Variants in DPY19L3 observed in about 807,000 individuals in gnomAD.
The protein encoded by DPY19L3 is dpy-19 like C-mannosyltransferase 3, also known as protein C-mannosyl-transferase DPY19L3.
A neutral mutation model predicts 92.3 loss-of-function variants in DPY19L3; 51 were observed. That is an observed-to-expected ratio of 0.55 (90% CI 0.44 to 0.70). The LOEUF is 0.70. DPY19L3 is among the 30% of genes least tolerant of loss of function. The pLI, the probability that DPY19L3 is intolerant of heterozygous loss-of-function variation, is 0.00. For missense variants in DPY19L3, 706 were observed against 855.9 expected (o/e 0.82, Z 2.18); for synonymous variants, 309 against 315.2 (o/e 0.98, Z 0.21).
intron 10 of DPY19L3, 49 bp downstream of exon 10, chr19:32,455,089 G>A (rs1969825131): frequency 3.4e-6 from 4 of 1,177,980 alleles, no homozygotes; most frequent in Non-Finnish European, 4.8e-6. Context: ...TTAACTTATG[G>A]CATTGGAGAT....
intron 17 of DPY19L3, 81 bp downstream of exon 17, chr19:32,477,735 T>C (rs1599680599): frequency 6.4e-7 from 1 of 1,562,396 alleles, no homozygotes; most frequent in African/African-American, 1.4e-5. Context: ...AAGATGGGGC[T>C]GAATGCTGCA....
intron 16 of DPY19L3, among the ~76,000 whole-genome samples, chr19:32,477,120 G>A (rs1328810032): frequency 6.6e-6 from 1 of 152,108 alleles, no homozygotes; most frequent in Non-Finnish European, 1.5e-5. Context: ...TAGCAGGAGA[G>A]GATTGTGGGT....
intron 3 of DPY19L3, among the ~76,000 whole-genome samples, chr19:32,424,557 GAAGCCAAGTCTTCAGT>G (rs1326450126): frequency 6.6e-6 from 1 of 151,900 alleles, no homozygotes; most frequent in Non-Finnish European, 1.5e-5. Context: ...CTGAGCTCAG[GAAGCCAAGTCTTCAGT>G]GAGCCAAGAT....
rs1347120862 is a variant in DPY19L3 at position 32,463,354 on chromosome 19, T to C, written c.1323-12T>C. ...TTCCAGCTTAAATTTTGTATGTTGC[T>C]GTTTTACTCAGTGATTCTACAAATC... On this transcript the variant is annotated splice_polypyrimidine_tract_variant and intron_variant, in intron 12 of 18. Coordinates refer to ENST00000392250, the MANE Select transcript of DPY19L3 (RefSeq NM_001172774.2). 1 of 1,612,672 alleles carries C rather than the reference T, an allele frequency of 6.2e-7. No homozygotes were observed. The highest frequency in any genetic ancestry group is 8.5e-7 in the Non-Finnish European group (1 of 1,179,484).
Position 32,437,224 on chromosome 19 carries a change from T to A in DPY19L3, c.481T>A (p.Tyr161Asn). ...TTTAGAGCCAGTTTATTTTTATATT[T>A]ACACCTTATTTGGGCTCCAGGCGAT... ...KYLEPVYFYI[Y>N]TLFGLQAIYV... is the part of the protein sequence containing the mutation. Residue 161 changes from tyrosine (Y) to asparagine (N), a missense_variant, in exon 6 of 19, where the codon TAC (tyrosine) becomes AAC (asparagine). By Grantham distance (143) the Tyr-to-Asn change is moderately radical (BLOSUM62 -2). Transcript: ENST00000392250. The A allele has an allele frequency of 6.2e-7, 1 of 1,614,194 alleles. No homozygotes were observed. The highest frequency in any genetic ancestry group is 1.3e-5 in the African/African-American group (1 of 75,046).
In DPY19L3 at chr19:32,463,412, G is replaced by C. The variant is rs1156500509; in HGVS notation, c.1369G>C (p.Val457Leu). 1.9e-6 allele frequency: 3 copies of C among 1,613,740 alleles called. No homozygotes were observed. The highest frequency in any genetic ancestry group is 2.5e-6 in the Non-Finnish European group (3 of 1,179,830). Residue 457 changes from valine to leucine, a missense_variant, in exon 13 of 19, where the codon GTT becomes CTT. Coordinates refer to ENST00000392250, the MANE Select transcript of DPY19L3 (RefSeq NM_001172774.2). ...QSVGKMEKGT[V>L]DLKPETAYNL... ...CGTGGGTAAAATGGAAAAAGGCACAGTTGACCTGAAACCAGAAACTGCCTA... is the reference window on the plus strand; with the variant it reads ...CGTGGGTAAAATGGAAAAAGGCACACTTGACCTGAAACCAGAAACTGCCTA...
rs900241155 is a variant in DPY19L3, at chr19:32,472,915, G to A, written c.1697+4102G>A. Among the ~76,000 whole-genome samples, 17 of 152,242 alleles carry A rather than the reference G, an allele frequency of 1.1e-4. No homozygotes were observed. In the South Asian group the frequency reaches 2.5e-3, roughly 22 times the overall value. The stretch of plus-strand genomic sequence containing the variant: ...CACATTTAACCAAAGCAGAAAGTTC[G>A]TGTATATTTTAAATATGATGTAGGC... On this transcript the variant is annotated intron_variant, in intron 16 of 18. Transcript: ENST00000392250.
At chr19:32,477,752 A>G (rs1970555897) in intron 17 of DPY19L3, 98 bp downstream of exon 17, 5 of 1,495,684 alleles carry the variant, frequency 3.3e-6, no homozygotes, top group Non-Finnish European at 4.5e-6. Context: ...TGCACCCTCC[A>G]GCATTAGGTT....
intron 16 of DPY19L3, among the ~76,000 whole-genome samples, chr19:32,471,394 A>G (rs928969260): frequency 2.0e-5 from 3 of 152,192 alleles, no homozygotes; most frequent in African/African-American, 7.2e-5. Flanking sequence ...TCATCACGGC[A>G]TCTATCGGAC....
At chr19:32,449,444 C>T (rs1028593565) in intron 8 of DPY19L3, among the ~76,000 whole-genome samples, 1 of 152,028 alleles carries the variant, frequency 6.6e-6, no homozygotes, top group Non-Finnish European at 1.5e-5. Context: ...TATGGAAACT[C>T]AGGGGACTCA....
intron 16 of DPY19L3, among the ~76,000 whole-genome samples, chr19:32,476,528 C>CAAA (rs71176126): frequency 4.7e-4 from 44 of 93,268 alleles, no homozygotes; most frequent in Non-Finnish European, 7.9e-4. Flanking sequence ...CTCAGGTTTC[C>CAAA]AAAAAAAAAA....
chr19:32,460,103 A>G (rs1299478954), intron 12 of DPY19L3, among the ~76,000 whole-genome samples: 1 of 152,190 alleles, frequency 6.6e-6, no homozygotes, highest in Non-Finnish European at 1.5e-5. Context: ...ATCTAAACAT[A>G]GAATAGGTAC....
At chr19:32,426,089 T>G (rs900384360) in intron 3 of DPY19L3, among the ~76,000 whole-genome samples, 2 of 152,218 alleles carry the variant, frequency 1.3e-5, no homozygotes, top group African/African-American at 4.8e-5. Context: ...TGCTGCAGCT[T>G]TTCCATCAGC....
chr19:32,453,905 A>G (rs1446299261), intron 9 of DPY19L3, among the ~76,000 whole-genome samples: 2 of 152,108 alleles, frequency 1.3e-5, no homozygotes, highest in African/African-American at 4.8e-5. Flanking sequence ...GATATGAGTC[A>G]TTTGTTTTTG....
intron 8 of DPY19L3, among the ~76,000 whole-genome samples, chr19:32,444,939 A>G (rs1331044045): frequency 2.0e-5 from 3 of 151,708 alleles, no homozygotes; most frequent in Non-Finnish European, 4.4e-5. Context: ...TAATAATAAA[A>G]TGATTAGCCA....
chr19:32,464,191 A>G (rs367877545), intron 14 of DPY19L3, among the ~76,000 whole-genome samples: 2 of 152,232 alleles, frequency 1.3e-5, no homozygotes, highest in Admixed American at 6.5e-5. Context: ...TAAGTTAGAT[A>G]TGTTCATTAT....
chr19:32,477,143 G>A (rs995398982), intron 16 of DPY19L3, among the ~76,000 whole-genome samples: 1 of 152,154 alleles, frequency 6.6e-6, no homozygotes, highest in African/African-American at 2.4e-5. Flanking sequence ...TGGCCTAGAA[G>A]CCTGGACTCA....
intron 12 of DPY19L3, among the ~76,000 whole-genome samples, chr19:32,462,000 C>T (rs920958427): frequency 2.6e-5 from 4 of 152,118 alleles, no homozygotes; most frequent in African/African-American, 9.7e-5. Flanking sequence ...GTTTCACACC[C>T]TTTCTATACT....
chr19:32,462,549 C>G (rs1483116995), intron 12 of DPY19L3, among the ~76,000 whole-genome samples: 1 of 152,120 alleles, frequency 6.6e-6, no homozygotes, highest in Non-Finnish European at 1.5e-5. Flanking sequence ...ACCTCTAGAT[C>G]TAATTACAAG....
Sources: allele counts gnomAD v4.1 joint callset (sites outside exome capture counted in the v4.1 genomes callset), GRCh38; gene constraint gnomAD v4.1.1; transcripts MANE v1.5; gene names NCBI Gene and HGNC (gene_info 2026-07-23, HGNC 2026-07-21).